The following DCC variants were observed in gnomAD, a reference collection of about 807,000 sequenced individuals.
The protein encoded by DCC is netrin receptor DCC.
A neutral mutation model predicts 172.5 loss-of-function variants in DCC; 58 were observed. The ratio of observed to expected loss-of-function variants is 0.34; its 90% CI spans 0.27 to 0.42. The LOEUF (loss-of-function observed/expected upper bound fraction) is 0.42. DCC is among the 10% of genes least tolerant of loss of function. The pLI is 1.00. For missense variants in DCC, 1,740 were observed against 1,791.0 expected, an observed-to-expected ratio of 0.97 and a Z score of 0.51; for synonymous variants, 709 against 644.5, an observed-to-expected ratio of 1.10 and a Z score of -1.52.
At chr18:53,213,940 A>G (rs2055803162) in intron 11 of DCC, among the ~76,000 whole-genome samples, 1 of 151,676 alleles carries the variant, frequency 6.6e-6, no homozygotes, top group South Asian at 2.1e-4. Flanking sequence ...TGAATATGGA[A>G]CCATTTTTAT....
intron 27 of DCC, among the ~76,000 whole-genome samples, chr18:53,501,884 G>GTTA (rs1555679920): frequency 6.7e-6 from 1 of 150,188 alleles, no homozygotes; most frequent in African/African-American, 2.5e-5. Context: ...TTTTTTACTA[G>GTTA]TTATTTTCTT....
At chr18:52,711,038 C>T (rs189215452) in intron 1 of DCC, among the ~76,000 whole-genome samples, 7 of 152,156 alleles carry the variant, frequency 4.6e-5, no homozygotes, top group East Asian at 1.9e-4. Context: ...TAACTTTATC[C>T]GGCTGATGAG....
chr18:53,252,014 G>T (rs1418786337), intron 12 of DCC, among the ~76,000 whole-genome samples: 1 of 151,776 alleles, frequency 6.6e-6, no homozygotes, highest in Non-Finnish European at 1.5e-5. Context: ...CTCTGGCATG[G>T]TCTGATCCTC....
intron 17 of DCC, 79 bp downstream of exon 17, chr18:53,391,966 T>C: frequency 1.2e-6 from 1 of 836,630 alleles, no homozygotes; most frequent in Non-Finnish European, 2.0e-6. Context: ...TCTCCTGGAC[T>C]GTCATGAGTC....
At chr18:53,396,007 C>A (rs1908915182) in intron 17 of DCC, among the ~76,000 whole-genome samples, 1 of 151,838 alleles carries the variant, frequency 6.6e-6, no homozygotes, top group East Asian at 1.9e-4. Context: ...GCTGGATAGG[C>A]AAATCACCGA....
chr18:53,528,519 G>T (rs1502219), intron 28 of DCC, among the ~76,000 whole-genome samples: 1 of 151,872 alleles, frequency 6.6e-6, no homozygotes, highest in African/African-American at 2.4e-5. Flanking sequence ...TACATTAAAG[G>T]TTGACTCTAA....
intron 5 of DCC, among the ~76,000 whole-genome samples, chr18:53,051,310 T>C (rs894018378): frequency 6.6e-6 from 1 of 152,144 alleles, no homozygotes; most frequent in Non-Finnish European, 1.5e-5. Flanking sequence ...ACATCTCTCA[T>C]AGCAGATTTA....
intron 1 of DCC, among the ~76,000 whole-genome samples, chr18:52,438,640 C>T (rs373721927): frequency 6.6e-6 from 1 of 152,094 alleles, no homozygotes; most frequent in Non-Finnish European, 1.5e-5. Flanking sequence ...CTTTATATAG[C>T]TTGAGACATA....
chr18:53,322,123 G>T lies in DCC; in HGVS notation c.2130G>T (p.Trp710Cys). The T allele has an allele frequency of 6.3e-7, 1 of 1,592,620 alleles. No individual in the cohort carries two copies. Reference protein sequence around the residue: ...TVNGTGPPSNWYTAETPENDL... With the variant: ...TVNGTGPPSNCYTAETPENDL... The stretch of plus-strand genomic sequence containing the variant: ...ATGGTACTGGACCACCTTCCAACTG[G>T]TATACTGCAGAGACTCCAGAGAATG... Residue 710 changes from tryptophan to cysteine, a missense_variant, in exon 14 of 29, where the codon TGG becomes TGT. Trp to Cys is a radical substitution (Grantham distance 215, BLOSUM62 -2). This residue lies in a region of DCC where 1,732 missense variants were observed against 1,767.4 expected (regional missense o/e 0.98). Coordinates refer to ENST00000442544, the MANE Select transcript of DCC (RefSeq NM_005215.4).
intron 12 of DCC, among the ~76,000 whole-genome samples, chr18:53,267,450 G>T (rs534245212): frequency 6.6e-6 from 1 of 152,080 alleles, no homozygotes; most frequent in South Asian, 2.1e-4. Flanking sequence ...TCCTCCCAAA[G>T]TGCTGAGATT....
intron 15 of DCC, among the ~76,000 whole-genome samples, chr18:53,384,883 T>G (rs896902741): frequency 1.3e-5 from 2 of 151,852 alleles, no homozygotes; most frequent in Non-Finnish European, 2.9e-5. Context: ...AGTCTCGCTG[T>G]GTCGCGCAGG....
intron 8 of DCC, among the ~76,000 whole-genome samples, chr18:53,174,558 A>T (rs1332446302): frequency 1.3e-5 from 2 of 151,224 alleles, no homozygotes; most frequent in African/African-American, 4.9e-5. Context: ...CTCTACACAA[A>T]TAAACTAGAA....
intron 1 of DCC, among the ~76,000 whole-genome samples, chr18:52,711,770 C>T (rs1224085387): frequency 6.6e-6 from 1 of 152,114 alleles, no homozygotes; most frequent in Non-Finnish European, 1.5e-5. Flanking sequence ...CTTTGTGTTC[C>T]CTTGTGGTAA....
intron 2 of DCC, among the ~76,000 whole-genome samples, chr18:52,844,347 G>A (rs1002528560): frequency 3.9e-5 from 6 of 152,126 alleles, no homozygotes; most frequent in African/African-American, 1.4e-4. Flanking sequence ...CAGATAGATA[G>A]ATATAGATGT....
chr18:52,666,397 C>A (rs1273137435), intron 1 of DCC, among the ~76,000 whole-genome samples: 1 of 152,142 alleles, frequency 6.6e-6, no homozygotes, highest in Non-Finnish European at 1.5e-5. Flanking sequence ...AGGGATCTGA[C>A]ACTAGAAAAT....
chr18:53,388,808 A>G (rs67318347), intron 16 of DCC, among the ~76,000 whole-genome samples: 36,655 of 152,110 alleles, frequency 0.24, 4,869 homozygotes, highest in East Asian at 0.41. Flanking sequence ...TTTTTGAGAT[A>G]GGGTCTCATT....
intron 13 of DCC, among the ~76,000 whole-genome samples, chr18:53,320,269 C>T (rs572963003): frequency 6.6e-5 from 10 of 151,882 alleles, no homozygotes; most frequent in Admixed American, 3.3e-4. Context: ...AGACGGGGTT[C>T]CACCGTGTTA....
At chr18:53,174,947 A>C (rs1268855710) in intron 8 of DCC, among the ~76,000 whole-genome samples, 1 of 152,190 alleles carries the variant, frequency 6.6e-6, no homozygotes, top group Admixed American at 6.5e-5. Context: ...GGCAAAACGA[A>C]TCCATCAGCA....
chr18:53,011,233 T>C (rs1022298471), intron 5 of DCC, among the ~76,000 whole-genome samples: 2 of 151,632 alleles, frequency 1.3e-5, no homozygotes, highest in African/African-American at 4.8e-5. Flanking sequence ...GCTAATATAC[T>C]CAAAGATATC....
Sources: allele counts gnomAD v4.1 joint callset (sites outside exome capture counted in the v4.1 genomes callset), GRCh38; gene constraint gnomAD v4.1.1; regional missense constraint gnomAD v4.1.1; transcripts MANE v1.5; gene names NCBI Gene and HGNC (gene_info 2026-07-23, HGNC 2026-07-21).